Variants in NDRG4 observed in about 807,000 individuals in gnomAD.
The protein encoded by NDRG4 is protein NDRG4.
NDRG4 carries 38 observed loss-of-function variants against 55.8 expected under a neutral mutation model. That is an observed-to-expected ratio of 0.68 (90% confidence interval 0.53 to 0.89). The LOEUF (loss-of-function observed/expected upper bound fraction) is 0.89, where lower values mean the gene tolerates loss of function less well. Ranked by LOEUF, NDRG4 falls within the 40% of genes least tolerant of loss-of-function variation. NDRG4 has a pLI of 0.00. For missense variants in NDRG4, 455 were observed against 468.6 expected (o/e 0.97, Z 0.27); for synonymous variants, 190 against 182.7 (o/e 1.04, Z -0.32).
chr16:58,485,514 A>G (rs1418255213), intron 1 of NDRG4, among the ~76,000 whole-genome samples: 2 of 151,980 alleles, frequency 1.3e-5, no homozygotes, highest in Non-Finnish European at 2.9e-5. Flanking sequence ...TTTAATTGAG[A>G]TGGGTGTTCA....
chr16:58,509,137 C>G lies in NDRG4; in HGVS notation c.778-17C>G. 6.2e-7 allele frequency: 1 copy of G among 1,614,036 alleles called. No individual in the cohort carries two copies. Among genetic ancestry groups the G allele is most frequent in the Non-Finnish European group, 8.5e-7 (1 of 1,180,026 alleles). On this transcript the variant is annotated splice_polypyrimidine_tract_variant and intron_variant, in intron 11 of 14. Transcript: ENST00000570248. The stretch of plus-strand genomic sequence containing the variant: ...AGTGAGGGCCCTGCTCAGGTCACCC[C>G]ACTCTCTCCCTTGCAGATGGCAGAC...
At chr16:58,504,869 A>C (rs1294656422) in intron 5 of NDRG4, 3 of 575,732 alleles carry the variant, frequency 5.2e-6, no homozygotes, top group African/African-American at 3.8e-5. Flanking sequence ...TAGTTTTCTC[A>C]AGAGACTAGA....
In NDRG4 at chr16:58,506,489, G is replaced by A. The variant is rs112571274; in HGVS notation, c.459+16G>A. ...TGCCACCAAGGTGTGTGTGGTGACC[G>A]GGGGTGGGGTGGGTATACCTAGGGT... On this transcript the variant is annotated intron_variant, in intron 6 of 14. Transcript: ENST00000570248. 182 of 1,607,482 alleles carry A rather than the reference G, an allele frequency of 1.1e-4. 1 individual carries two copies. Among genetic ancestry groups the A allele is most frequent in the South Asian group, 1.1e-3 (101 of 90,384 alleles).
At chr16:58,465,874 C>T (rs2031551440) in intron 1 of NDRG4, among the ~76,000 whole-genome samples, 1 of 152,196 alleles carries the variant, frequency 6.6e-6, no homozygotes, top group Non-Finnish European at 1.5e-5. Context: ...ACGGGGCTGG[C>T]ACCCCCTCCA....
intron 2 of NDRG4, among the ~76,000 whole-genome samples, chr16:58,492,957 A>C (rs1041038990): frequency 3.9e-5 from 6 of 152,078 alleles, no homozygotes; most frequent in African/African-American, 9.7e-5. Flanking sequence ...TCTGCAGAAG[A>C]AGCCCAAGTG....
At chr16:58,496,465 A>G (rs546492050), upstream of NDRG4, among the ~76,000 whole-genome samples, 1 of 152,102 alleles carries the variant, frequency 6.6e-6, no homozygotes, top group Non-Finnish European at 1.5e-5. Context: ...GATGGTCGTT[A>G]TCTGGGCCAA....
chr16:58,479,045 T>A (rs953185954), intron 1 of NDRG4, among the ~76,000 whole-genome samples: 7 of 152,156 alleles, frequency 4.6e-5, no homozygotes, highest in Non-Finnish European at 8.8e-5. Context: ...TATTATTATT[T>A]TGAGACAGAA....
intron 1 of NDRG4, among the ~76,000 whole-genome samples, chr16:58,468,840 GA>G (rs1274868218): frequency 3.3e-5 from 5 of 152,174 alleles, no homozygotes; most frequent in Non-Finnish European, 7.3e-5. Context: ...GTAGCCGGAT[GA>G]TTTTTTTATT....
At position 58,504,351 on chromosome 16, in the gene NDRG4, G is replaced by C; in HGVS notation, c.249-8G>C. 6.2e-7 allele frequency: 1 copy of C among 1,613,694 alleles called. No homozygotes were observed. Among genetic ancestry groups the C allele is most frequent in the Non-Finnish European group, 8.5e-7 (1 of 1,180,002 alleles). ...CACCTGGGCCCTGACCTCCTGCTCTGCCTGCAGGTACCAGTTCCCCTCCAT... is the reference window on the plus strand; with the variant it reads ...CACCTGGGCCCTGACCTCCTGCTCTCCCTGCAGGTACCAGTTCCCCTCCAT... On this transcript the variant is annotated splice_region_variant and splice_polypyrimidine_tract_variant and intron_variant, in intron 3 of 14. Coordinates refer to ENST00000570248, the MANE Select transcript of NDRG4 (RefSeq NM_001242835.2).
intron 7 of NDRG4, 79 bp from the exon 8 acceptor site, chr16:58,506,833 T>C (rs1005149184): frequency 1.0e-5 from 14 of 1,373,706 alleles, no homozygotes; most frequent in Non-Finnish European, 1.4e-5. Flanking sequence ...ACTCTGGCAG[T>C]GACATCTGCC....
At position 58,508,537 on chromosome 16, in the gene NDRG4, A is replaced by T. The variant is rs375858757; in HGVS notation, c.730-425A>T. Among the ~76,000 whole-genome samples, 26 of 152,234 alleles carry T rather than the reference A, an allele frequency of 1.7e-4. No individual in the cohort carries two copies. The South Asian group carries it at 4.8e-3, about 28-fold the overall frequency. ...GCCCAGAGCAGCCCCGTGCGCCCTGAAAATACCAGGCTTTCCCATGCCCAC... is the reference window on the plus strand; with the variant it reads ...GCCCAGAGCAGCCCCGTGCGCCCTGTAAATACCAGGCTTTCCCATGCCCAC... On this transcript the variant is annotated intron_variant, in intron 10 of 14. Transcript: ENST00000570248.
At chr16:58,491,522 G>A (rs1308071236) in intron 2 of NDRG4, among the ~76,000 whole-genome samples, 5 of 150,728 alleles carry the variant, frequency 3.3e-5, no homozygotes, top group East Asian at 3.9e-4. Context: ...ATGCAATGGC[G>A]CGATCTCAGC....
chr16:58,468,015 GA>G (rs2151546266), intron 1 of NDRG4, among the ~76,000 whole-genome samples: 1 of 152,288 alleles, frequency 6.6e-6, no homozygotes, highest in African/African-American at 2.4e-5. Context: ...GTCTCTGGGG[GA>G]CCCTACTTAG....
rs745684864 is a variant in NDRG4, at chr16:58,513,339, T to C, written c.*1763T>C. ...TCTGGTGGCTGCTGTCATGAGATGATAAAATGTAAAACAAAACTCTAGTCA... is the reference window on the plus strand; with the variant it reads ...TCTGGTGGCTGCTGTCATGAGATGACAAAATGTAAAACAAAACTCTAGTCA... On this transcript the variant is annotated 3_prime_UTR_variant, in exon 15 of 15. Coordinates refer to ENST00000570248, the MANE Select transcript of NDRG4 (RefSeq NM_001242835.2). 1 of 152,126 alleles carries C rather than the reference T, an allele frequency of 6.6e-6. No homozygotes were observed. Among genetic ancestry groups the C allele is most frequent in the Non-Finnish European group, 1.5e-5 (1 of 68,036 alleles). 9.4% of individuals were successfully genotyped at this position (152,126 alleles called of 1,614,324 possible). A position where few individuals can be genotyped will look rare whatever the true frequency, so the allele number is the denominator to read the frequency against.
At chr16:58,491,180 G>T (rs940793357) in intron 2 of NDRG4, among the ~76,000 whole-genome samples, 1 of 151,924 alleles carries the variant, frequency 6.6e-6, no homozygotes, top group Non-Finnish European at 1.5e-5. Context: ...GGAGGCTGAG[G>T]CAGGAGAATC....
chr16:58,479,638 G>A (rs563145433), intron 1 of NDRG4, among the ~76,000 whole-genome samples: 1 of 152,168 alleles, frequency 6.6e-6, no homozygotes, highest in Non-Finnish European at 1.5e-5. Flanking sequence ...GTAAGTTGTG[G>A]TCTGTGTGAA....
intron 1 of NDRG4, among the ~76,000 whole-genome samples, chr16:58,487,539 C>A (rs12599041): frequency 6.6e-6 from 1 of 152,206 alleles, no homozygotes; most frequent in Middle Eastern, 3.4e-3. Flanking sequence ...AAAAGAAAAA[C>A]GGAAAAACAA....
chr16:58,503,890 T>C lies in NDRG4; in HGVS notation c.114T>C (p.Asp38=), dbSNP rs750787421. Residue 38 remains aspartate, a synonymous_variant, in exon 2 of 15, where the codon GAT becomes GAC. Coordinates refer to ENST00000570248, the MANE Select transcript of NDRG4 (RefSeq NM_001242835.2). ...GCCCAGCCATCCTCACCTACCATGA[T>C]GTGGGCCTCAACCGTAAGTGCAGCC... is the stretch of plus-strand genomic sequence containing the variant. ...GNRPAILTYH[D]VGLNHKLCFN... is the part of the protein sequence containing the mutation. 6.2e-7 allele frequency: 1 copy of C among 1,613,750 alleles called. No individual in the cohort carries two copies. Among genetic ancestry groups the C allele is most frequent in the Non-Finnish European group, 8.5e-7 (1 of 1,180,004 alleles).
At chr16:58,505,281 G>A (rs8056039) in intron 5 of NDRG4, among the ~76,000 whole-genome samples, 96,434 of 151,128 alleles carry the variant, frequency 0.64, 32,993 homozygotes, top group East Asian at 0.96. Flanking sequence ...CCCGGGAGGC[G>A]GAGCTTGCAG....
Sources: gnomAD v4.1 joint callset for allele counts (sites outside exome capture counted in the v4.1 genomes callset) on GRCh38, gnomAD v4.1.1 for gene constraint, MANE v1.5 for transcripts, NCBI Gene and HGNC (gene_info 2026-07-23, HGNC 2026-07-21) for gene names.